GHR: variants seen among roughly 807,000 people sequenced by gnomAD.
The protein encoded by GHR is growth hormone receptor.
Under a neutral mutation model 67.1 loss-of-function variants are expected in GHR, and 35 were observed. That is an observed-to-expected ratio of 0.52 (90% CI 0.40 to 0.69). The LOEUF is 0.69. Ranked by LOEUF, GHR falls within the 30% of genes least tolerant of loss-of-function variation. The probability of loss-of-function intolerance (pLI) is 0.00; values close to 1 mark genes in which losing one functional copy is unlikely to be tolerated. For synonymous variants in GHR, 272 were observed against 269.1 expected (o/e 1.01, Z -0.10); for missense variants, 792 against 764.6 (o/e 1.04, Z -0.42).
At chr5:42,549,901 G>A (rs1748927699) in intron 1 of GHR, among the ~76,000 whole-genome samples, 1 of 152,204 alleles carries the variant, frequency 6.6e-6, no homozygotes, top group South Asian at 2.1e-4. Context: ...CTAGTTTGGA[G>A]TAAATTTCTT....
At chr5:42,489,420 A>G (rs1229020680) in intron 1 of GHR, among the ~76,000 whole-genome samples, 1 of 152,230 alleles carries the variant, frequency 6.6e-6, no homozygotes, top group Non-Finnish European at 1.5e-5. Context: ...TATTAGAAAC[A>G]TAAATAATGA....
Position 42,720,801 on chromosome 5 carries a change from C to A in GHR, c.*1377C>A, listed in dbSNP as rs1018400790. ...AAAATAGCAAAAGAAGAAGTTTCAT[C>A]ATTTTTTACTTCCTCTCTGAGTGGA... On this transcript the variant is annotated 3_prime_UTR_variant, in exon 10 of 10. Coordinates refer to ENST00000230882, the MANE Select transcript of GHR (RefSeq NM_000163.5). 1.3e-5 allele frequency: 2 copies of A among 152,184 alleles called. No individual in the cohort carries two copies. The highest frequency in any genetic ancestry group is 2.4e-5 in the African/African-American group (1 of 41,448). 9.4% of individuals were successfully genotyped at this position (152,184 alleles called of 1,614,324 possible).
chr5:42,708,518 A>G (rs1394635868), intron 6 of GHR, among the ~76,000 whole-genome samples: 1 of 152,128 alleles, frequency 6.6e-6, no homozygotes, highest in Non-Finnish European at 1.5e-5. Context: ...AAATTTTTTC[A>G]TTTCAATTTC....
intron 2 of GHR, among the ~76,000 whole-genome samples, chr5:42,604,679 A>C (rs971246829): frequency 6.6e-6 from 1 of 150,756 alleles, no homozygotes; most frequent in Non-Finnish European, 1.5e-5. Flanking sequence ...GTTATGAGCC[A>C]GGAACTGTGG....
chr5:42,480,658 A>T (rs993394232), intron 1 of GHR, among the ~76,000 whole-genome samples: 11 of 151,938 alleles, frequency 7.2e-5, no homozygotes, highest in African/African-American at 2.7e-4. Context: ...TCTTTGTCTC[A>T]TTTGATCTTT....
At chr5:42,486,668 A>C (rs1242341320) in intron 1 of GHR, among the ~76,000 whole-genome samples, 1 of 152,154 alleles carries the variant, frequency 6.6e-6, no homozygotes, top group East Asian at 1.9e-4. Flanking sequence ...TAACACGGTG[A>C]AACCCCGTCT....
rs1749905207 is a variant in GHR, at chr5:42,565,939, G to A, written c.65G>A (p.Ser22Asn). Residue 22 changes from serine (S) to asparagine (N), a missense_variant, in exon 2 of 10, where the codon AGT (serine) becomes AAT (asparagine). Ser to Asn is a conservative substitution (Grantham distance 46). Transcript: ENST00000230882. ...GGATCAAGTGATGCTTTTTCTGGAAGTGAGGGTGAGTTCTGCTTTTCCATT... is the reference window on the plus strand; with the variant it reads ...GGATCAAGTGATGCTTTTTCTGGAAATGAGGGTGAGTTCTGCTTTTCCATT... The part of the protein sequence containing the change: ...LAGSSDAFSG[S>N]EATAAILSRA... The A allele has an allele frequency of 3.1e-6, 5 of 1,614,084 alleles. No homozygotes were observed. Among genetic ancestry groups the A allele is most frequent in the Non-Finnish European group, 4.2e-6 (5 of 1,179,926 alleles).
At chr5:42,442,964 C>A (rs760890053) in intron 1 of GHR, among the ~76,000 whole-genome samples, 5 of 152,132 alleles carry the variant, frequency 3.3e-5, no homozygotes, top group Non-Finnish European at 7.4e-5. Flanking sequence ...TAATTAAGCA[C>A]CAATTACCTA....
At chr5:42,669,633 A>G (rs1756170023) in intron 3 of GHR, among the ~76,000 whole-genome samples, 1 of 152,210 alleles carries the variant, frequency 6.6e-6, no homozygotes, top group Non-Finnish European at 1.5e-5. Context: ...CTAAGCTCCA[A>G]GGGGAAAAAA....
chr5:42,646,237 A>G (rs561551650), intron 3 of GHR: 5 of 376,730 alleles, frequency 1.3e-5, no homozygotes, highest in South Asian at 8.4e-5. Context: ...TATTAATGTC[A>G]TAGGACTAGA....
intron 2 of GHR, among the ~76,000 whole-genome samples, chr5:42,627,662 ACAGACGGT>A (rs1478030213): frequency 3.3e-5 from 5 of 152,236 alleles, no homozygotes; most frequent in Admixed American, 2.6e-4. Flanking sequence ...GGGGGAGAAT[ACAGACGGT>A]CAGGTGCAAA....
intron 1 of GHR, among the ~76,000 whole-genome samples, chr5:42,456,848 A>G (rs1315789901): frequency 6.6e-6 from 1 of 152,226 alleles, no homozygotes; most frequent in African/African-American, 2.4e-5. Context: ...CCAATGGAAG[A>G]GAAACTCCAT....
intron 1 of GHR, among the ~76,000 whole-genome samples, chr5:42,542,821 A>G (rs1748575103): frequency 6.6e-6 from 1 of 151,972 alleles, no homozygotes. Context: ...TGTCCATTAT[A>G]TCACTCTGTA....
intron 2 of GHR, among the ~76,000 whole-genome samples, chr5:42,587,322 A>G (rs1366599008): frequency 6.6e-6 from 1 of 152,230 alleles, no homozygotes; most frequent in Non-Finnish European, 1.5e-5. Context: ...AAACAAAGCA[A>G]CCATCTCAGA....
chr5:42,488,926 C>T (rs1745996524), intron 1 of GHR, among the ~76,000 whole-genome samples: 1 of 152,204 alleles, frequency 6.6e-6, no homozygotes, highest in South Asian at 2.1e-4. Flanking sequence ...AGCCCAAGTT[C>T]ATCGAGTTAC....
intron 3 of GHR, among the ~76,000 whole-genome samples, chr5:42,650,819 A>G (rs1411069277): frequency 6.6e-6 from 1 of 152,044 alleles, no homozygotes; most frequent in Non-Finnish European, 1.5e-5. Context: ...TAAGTAGGTA[A>G]CACAGAATTT....
intron 3 of GHR, among the ~76,000 whole-genome samples, chr5:42,654,172 A>G (rs1755137554): frequency 6.6e-6 from 1 of 152,192 alleles, no homozygotes; most frequent in South Asian, 2.1e-4. Flanking sequence ...TTCAAATTCC[A>G]TCGTTGTCTC....
At chr5:42,538,936 G>A (rs1748381170) in intron 1 of GHR, among the ~76,000 whole-genome samples, 1 of 151,976 alleles carries the variant, frequency 6.6e-6, no homozygotes, top group African/African-American at 2.4e-5. Flanking sequence ...TTCAAGTTCT[G>A]CATTTCTTTC....
intron 1 of GHR, among the ~76,000 whole-genome samples, chr5:42,480,485 GGTGTTA>G (rs1561065626): frequency 4.6e-5 from 7 of 152,024 alleles, no homozygotes; most frequent in Non-Finnish European, 1.0e-4. Context: ...TTGACATTGG[GGTGTTA>G]AAGTCTCCCA....
Sources: gnomAD v4.1 joint callset for allele counts (sites outside exome capture counted in the v4.1 genomes callset) on GRCh38, gnomAD v4.1.1 for gene constraint, MANE v1.5 for transcripts, NCBI Gene and HGNC (gene_info 2026-07-23, HGNC 2026-07-21) for gene names.